The following TMBIM4 variants were observed in gnomAD, a reference collection of about 807,000 sequenced individuals.
The protein encoded by TMBIM4 is protein lifeguard 4.
Under a neutral mutation model 27.7 loss-of-function variants are expected in TMBIM4, and 28 were observed. That is an observed-to-expected ratio of 1.01 (90% CI 0.75 to 1.38). TMBIM4 has a LOEUF of 1.38. Ranked by LOEUF, TMBIM4 falls within the 40% of genes most tolerant of loss-of-function variation. TMBIM4 has a pLI of 0.00. For missense variants in TMBIM4, 265 were observed against 277.5 expected (o/e 0.95, Z 0.32); for synonymous variants, 115 against 113.1 (o/e 1.02, Z -0.11).
chr12:66,157,791 A>G (rs2051961161), intron 1 of TMBIM4, among the ~76,000 whole-genome samples: 1 of 152,242 alleles, frequency 6.6e-6, no homozygotes, highest in East Asian at 1.9e-4. Context: ...CAACAGTGTT[A>G]GCTATGGTAA....
chr12:66,168,306 A>G (rs1462302007), intron 1 of TMBIM4, among the ~76,000 whole-genome samples: 2 of 152,098 alleles, frequency 1.3e-5, no homozygotes, highest in Non-Finnish European at 2.9e-5. Flanking sequence ...AGCCAACCAC[A>G]AAAAAACAAA....
At chr12:66,169,760 A>T in intron 1 of TMBIM4, 95 bp downstream of exon 1, 1 of 978,848 alleles carries the variant, frequency 1.0e-6, no homozygotes, top group Non-Finnish European at 1.4e-6. Flanking sequence ...GAGTCCCAGG[A>T]GATGGCCGCT....
At chr12:66,165,806 C>T (rs2052116776) in intron 1 of TMBIM4, among the ~76,000 whole-genome samples, 2 of 151,838 alleles carry the variant, frequency 1.3e-5, no homozygotes. Flanking sequence ...GTAGGATTTC[C>T]TTATGTATTC....
chr12:66,157,583 T>C (rs1487571382), intron 1 of TMBIM4, among the ~76,000 whole-genome samples: 1 of 152,060 alleles, frequency 6.6e-6, no homozygotes, highest in Non-Finnish European at 1.5e-5. Context: ...ACCTAAAATA[T>C]GGGAGAGAGC....
At chr12:66,149,181 G>C (rs12230221) in intron 3 of TMBIM4, among the ~76,000 whole-genome samples, 11,683 of 152,066 alleles carry the variant, frequency 0.077, 1,037 homozygotes, top group East Asian at 0.51. Context: ...TGGCTCAGAC[G>C]TGTAATCCCA....
rs1401254506 is a variant in TMBIM4 at position 66,136,546 on chromosome 12, A to G, written c.*1414T>C. 1.3e-5 allele frequency: 2 copies of G among 153,490 alleles called. No homozygotes were observed. The highest frequency in any genetic ancestry group is 2.0e-4 in the South Asian group (1 of 4,880). The allele number at this position is 153,490 out of a possible 1,614,324, so 9.5% of individuals were successfully genotyped here. A position where few individuals can be genotyped will look rare whatever the true frequency, so the allele number is the denominator to read the frequency against. ...CACTTCAGAATGTGACTGTATTTGG[A>G]GATAGGTTTTGAAAGAGATAATTAA... On this transcript the variant is annotated 3_prime_UTR_variant, in exon 7 of 7. Coordinates refer to ENST00000358230, the MANE Select transcript of TMBIM4 (RefSeq NM_016056.4).
intron 1 of TMBIM4, chr12:66,168,740 T>G (rs748719550): frequency 6.6e-6 from 1 of 152,656 alleles, no homozygotes; most frequent in Non-Finnish European, 1.5e-5. Flanking sequence ...GACTCATCAC[T>G]CTGAACCTTA....
At chr12:66,166,018 T>C (rs1489524088) in intron 1 of TMBIM4, among the ~76,000 whole-genome samples, 1 of 152,224 alleles carries the variant, frequency 6.6e-6, no homozygotes. Context: ...TATGTTTTTA[T>C]CTAAGAGTTT....
At chr12:66,141,640 T>C (rs1365722299) in intron 5 of TMBIM4, among the ~76,000 whole-genome samples, 2 of 151,682 alleles carry the variant, frequency 1.3e-5, no homozygotes, top group Non-Finnish European at 2.9e-5. Flanking sequence ...GAAAAACATA[T>C]ACGATGCTAA....
chr12:66,137,615 C>G lies in TMBIM4; in HGVS notation c.*345G>C. ...TTCACCATGTTGGCCAGGATGGTCTCAACCTCTTGACCTCGTGATCCACCT... is the reference window on the plus strand; with the variant it reads ...TTCACCATGTTGGCCAGGATGGTCTGAACCTCTTGACCTCGTGATCCACCT... On this transcript the variant is annotated 3_prime_UTR_variant, in exon 7 of 7. Transcript: ENST00000358230. 8.1e-6 allele frequency: 2 copies of G among 247,894 alleles called. No individual in the cohort carries two copies. Among genetic ancestry groups the G allele is most frequent in the South Asian group, 8.5e-5 (2 of 23,602 alleles). The allele number at this position is 247,894 out of a possible 1,614,324, so 15.4% of individuals were successfully genotyped here. A position where few individuals can be genotyped will look rare whatever the true frequency, so the allele number is the denominator to read the frequency against.
intron 1 of TMBIM4, chr12:66,169,246 C>T (rs763391267): frequency 2.6e-5 from 18 of 696,434 alleles, no homozygotes; most frequent in Non-Finnish European, 4.2e-5. Flanking sequence ...AAATTTCTGC[C>T]CATTGGCTAC....
chr12:66,168,220 CAAA>C (rs762237233), intron 1 of TMBIM4, among the ~76,000 whole-genome samples: 18 of 79,244 alleles, frequency 2.3e-4, no homozygotes, highest in Admixed American at 4.2e-4. Flanking sequence ...GACCCTGTCT[CAAA>C]AAAAAAAAAA....
chr12:66,144,777 T>C (rs576425400), intron 5 of TMBIM4: 2 of 152,278 alleles, frequency 1.3e-5, no homozygotes, highest in South Asian at 2.1e-4. Flanking sequence ...ATAAGAATTA[T>C]CAGAAACAGC....
intron 5 of TMBIM4, chr12:66,144,750 T>C (rs2051723608): frequency 6.6e-6 from 1 of 152,054 alleles, no homozygotes; most frequent in East Asian, 1.9e-4. Flanking sequence ...ACTGAACACT[T>C]AAAGAAAGAA....
chr12:66,149,581 G>C (rs1350737288), intron 3 of TMBIM4, among the ~76,000 whole-genome samples: 1 of 151,932 alleles, frequency 6.6e-6, no homozygotes, highest in South Asian at 2.1e-4. Context: ...TAAGGAAACA[G>C]GATGGTATAA....
At chr12:66,155,495 A>G (rs1211804686) in intron 1 of TMBIM4, among the ~76,000 whole-genome samples, 1 of 152,116 alleles carries the variant, frequency 6.6e-6, no homozygotes, top group Admixed American at 6.5e-5. Context: ...GCATGCCACT[A>G]CGCCCAGCTA....
At chr12:66,159,665 C>T (rs569646614) in intron 1 of TMBIM4, among the ~76,000 whole-genome samples, 18 of 152,328 alleles carry the variant, frequency 1.2e-4, no homozygotes, top group Admixed American at 1.3e-4. Context: ...ACAATCCACC[C>T]GCCATCTCCC....
intron 2 of TMBIM4, among the ~76,000 whole-genome samples, chr12:66,152,676 A>G (rs2051867119): frequency 6.6e-6 from 1 of 152,098 alleles, no homozygotes; most frequent in African/African-American, 2.4e-5. Flanking sequence ...AATATTATAC[A>G]ATAAAGAAAT....
At position 66,143,704 on chromosome 12, in the gene TMBIM4, A is replaced by C. The variant is rs538251404; in HGVS notation, c.464+2137T>G. 5.9e-5 allele frequency among the ~76,000 whole-genome samples: 9 copies of C among 152,308 alleles called. 1 individual carries two copies. In the East Asian group the frequency reaches 1.7e-3, roughly 29 times the overall value. On this transcript the variant is annotated intron_variant, in intron 5 of 6. Coordinates refer to ENST00000358230, the MANE Select transcript of TMBIM4 (RefSeq NM_016056.4). ...CATTGCCTGATACTACCATACATCC[A>C]AACATTTAACGCACTTCTTCAGTCC...
Sources: gnomAD v4.1 joint callset for allele counts (sites outside exome capture counted in the v4.1 genomes callset) on GRCh38, gnomAD v4.1.1 for gene constraint, MANE v1.5 for transcripts, NCBI Gene and HGNC (gene_info 2026-07-23, HGNC 2026-07-21) for gene names.